PLCG2: variants seen among roughly 807,000 people sequenced by gnomAD.
PLCG2 encodes the protein phospholipase C gamma 2.
PLCG2 carries 69 observed loss-of-function variants against 175.6 expected under a neutral mutation model. That is an observed-to-expected ratio of 0.39 (90% CI 0.32 to 0.48). PLCG2 has a LOEUF of 0.48. Among genes scored for constraint, PLCG2 ranks in the 20% least tolerant of loss-of-function variants. The pLI, the probability that PLCG2 is intolerant of heterozygous loss-of-function variation, is 0.91. For missense variants in PLCG2, 1,798 were observed against 1,650.9 expected, an observed-to-expected ratio of 1.09 and a Z score of -1.54; for synonymous variants, 827 against 624.0, an observed-to-expected ratio of 1.33 and a Z score of -4.85.
chr16:81,888,021 G>A (rs1052362732), intron 9 of PLCG2, among the ~76,000 whole-genome samples: 4 of 118,220 alleles, frequency 3.4e-5, no homozygotes, highest in South Asian at 5.8e-4. Context: ...TATCAGTTTC[G>A]TTATTTGGAG....
chr16:81,782,625 T>C (rs7404289), intron 1 of PLCG2, among the ~76,000 whole-genome samples: 116,920 of 152,176 alleles, frequency 0.77, 45,185 homozygotes, highest in South Asian at 0.88. Context: ...TGTTCTTGTA[T>C]CTCACAAGCT....
chr16:81,815,319 C>A (rs1904495598), intron 2 of PLCG2, among the ~76,000 whole-genome samples: 1 of 152,136 alleles, frequency 6.6e-6, no homozygotes, highest in South Asian at 2.1e-4. Context: ...GGGTCTCAGC[C>A]TCAGCAGGTT....
chr16:81,858,279 T>G lies in PLCG2; in HGVS notation c.354T>G (p.Asp118Glu). Residue 118 changes from aspartate (D) to glutamate (E), a missense_variant, in exon 4 of 33, where the codon GAT becomes GAG. Physicochemically the swap from Asp to Glu is conservative, Grantham distance 45 (BLOSUM62 2). Transcript: ENST00000564138. ...CCACTCCAGCTGACTCTAAAGAGGATGCAGTTAACTGGCTCTCTGGCTTGA... is the reference window on the plus strand; with the variant it reads ...CCACTCCAGCTGACTCTAAAGAGGAGGCAGTTAACTGGCTCTCTGGCTTGA... ...TLSLAADSKE[D>E]AVNWLSGLKI... The G allele has an allele frequency of 6.2e-7, 1 of 1,612,786 alleles. No individual in the cohort carries two copies. The highest frequency in any genetic ancestry group is 1.3e-5 in the African/African-American group (1 of 75,026).
rs182212263 is a variant in PLCG2 at position 81,945,088 on chromosome 16, T to A, written c.3482-1087T>A. ...CACCTTAGGGGTGTAAAAGGAGAAA[T>A]TGGGGAGAGAAAAGGAACAGGTTTG... On this transcript the variant is annotated intron_variant, in intron 30 of 32. Coordinates refer to ENST00000564138, the MANE Select transcript of PLCG2 (RefSeq NM_002661.5). Among the ~76,000 whole-genome samples the A allele has an allele frequency of 2.0e-5, 3 of 152,098 alleles. No individual in the cohort carries two copies. The East Asian group carries it at 5.8e-4, about 29-fold the overall frequency.
At chr16:81,816,802 A>G (rs1904573181) in intron 2 of PLCG2, among the ~76,000 whole-genome samples, 1 of 151,852 alleles carries the variant, frequency 6.6e-6, no homozygotes, top group Admixed American at 6.6e-5. Context: ...GTGCCCAGCC[A>G]GAAATTATGA....
intron 7 of PLCG2, among the ~76,000 whole-genome samples, chr16:81,871,678 T>C (rs890969046): frequency 1.3e-5 from 2 of 152,190 alleles, no homozygotes; most frequent in Non-Finnish European, 2.9e-5. Flanking sequence ...AGGGCATATT[T>C]TTTGATTAAA....
intron 7 of PLCG2, among the ~76,000 whole-genome samples, chr16:81,872,134 C>G (rs927771680): frequency 3.3e-5 from 5 of 152,098 alleles, no homozygotes; most frequent in Non-Finnish European, 5.9e-5. Flanking sequence ...TTGAGATGAG[C>G]CTGGTCAACA....
chr16:81,770,523 G>A (rs996648691), intron 2 of PLCG2, among the ~76,000 whole-genome samples: 10 of 152,058 alleles, frequency 6.6e-5, no homozygotes, highest in Non-Finnish European at 8.8e-5. Context: ...GACCAGCCTG[G>A]GTAACACGAT....
At chr16:81,894,115 G>A (rs769664967) in intron 12 of PLCG2, among the ~76,000 whole-genome samples, 6 of 151,936 alleles carry the variant, frequency 3.9e-5, no homozygotes, top group Non-Finnish European at 8.8e-5. Context: ...TGGATTGGGG[G>A]GTCTCTGAGC....
chr16:81,914,614 C>T (rs1416193855), intron 19 of PLCG2, among the ~76,000 whole-genome samples: 2 of 152,226 alleles, frequency 1.3e-5, no homozygotes, highest in Non-Finnish European at 2.9e-5. Flanking sequence ...TGAGCACCTA[C>T]TGTGTGCCGG....
intron 2 of PLCG2, among the ~76,000 whole-genome samples, chr16:81,811,240 C>G (rs1037837744): frequency 6.6e-6 from 1 of 152,168 alleles, no homozygotes; most frequent in East Asian, 1.9e-4. Flanking sequence ...GTCAAATGGG[C>G]ACACCGGTGG....
chr16:81,756,564 C>T (rs1230488550), intron 2 of PLCG2, among the ~76,000 whole-genome samples: 9 of 152,144 alleles, frequency 5.9e-5, no homozygotes, highest in Non-Finnish European at 1.2e-4. Context: ...CCACACCATA[C>T]AGTGTCTCAG....
At chr16:81,804,795 A>G (rs1911917049) in intron 2 of PLCG2, among the ~76,000 whole-genome samples, 1 of 152,186 alleles carries the variant, frequency 6.6e-6, no homozygotes, top group Admixed American at 6.5e-5. Flanking sequence ...ACCTCCTAAG[A>G]GGAACCTGGA....
chr16:81,781,149 C>G (rs1177571261), intron 1 of PLCG2, among the ~76,000 whole-genome samples: 3 of 152,216 alleles, frequency 2.0e-5, no homozygotes, highest in East Asian at 3.8e-4. Flanking sequence ...AAGTTGTATC[C>G]TCTACCCTCT....
chr16:81,911,006 C>T (rs944157447), intron 18 of PLCG2, among the ~76,000 whole-genome samples: 1 of 152,052 alleles, frequency 6.6e-6, no homozygotes, highest in African/African-American at 2.4e-5. Context: ...TCATTTTGGC[C>T]TGGGGATATT....
At chr16:81,914,448 A>G (rs1453815189) in intron 19 of PLCG2, among the ~76,000 whole-genome samples, 1 of 152,208 alleles carries the variant, frequency 6.6e-6, no homozygotes, top group Non-Finnish European at 1.5e-5. Context: ...GGTCACTTCA[A>G]TGGGACCGCG....
At position 81,838,571 on chromosome 16, in the gene PLCG2, G is replaced by A. The variant is rs571349810; in HGVS notation, c.194-15873G>A. ...GGGAGTTGAACAATGAGAACACATG[G>A]ACAGAGGGAGGGGAACATCACACAC... On this transcript the variant is annotated intron_variant, in intron 2 of 32. Coordinates refer to ENST00000564138, the MANE Select transcript of PLCG2 (RefSeq NM_002661.5). 2.0e-5 allele frequency among the ~76,000 whole-genome samples: 3 copies of A among 151,954 alleles called. No individual in the cohort carries two copies. The South Asian group carries it at 6.2e-4, about 32-fold the overall frequency.
intron 2 of PLCG2, among the ~76,000 whole-genome samples, chr16:81,786,732 G>A (rs1420992503): frequency 6.6e-6 from 1 of 152,198 alleles, no homozygotes; most frequent in Admixed American, 6.5e-5. Context: ...TGGGCAGCTG[G>A]TTCAGATCCT....
chr16:81,852,479 GGTTGAGCTT>G (rs1031948096), intron 2 of PLCG2, among the ~76,000 whole-genome samples: 1 of 139,716 alleles, frequency 7.2e-6, no homozygotes, highest in Admixed American at 7.7e-5. Context: ...AGAAGGGACT[GGTTGAGCTT>G]GTTGAGCTTG....
Sources: gnomAD v4.1 joint callset for allele counts (sites outside exome capture counted in the v4.1 genomes callset) on GRCh38, gnomAD v4.1.1 for gene constraint, MANE v1.5 for transcripts, NCBI Gene and HGNC (gene_info 2026-07-23, HGNC 2026-07-21) for gene names.